Variants in STK24 observed in about 807,000 individuals in gnomAD.
STK24 encodes the protein serine/threonine kinase 24, also known as serine/threonine-protein kinase 24.
Under a neutral mutation model 55.6 loss-of-function variants are expected in STK24, and 21 were observed. That is an observed-to-expected ratio of 0.38 (90% CI 0.27 to 0.54). The LOEUF is 0.54. Ranked by LOEUF, STK24 falls within the 20% of genes least tolerant of loss-of-function variation. The probability of loss-of-function intolerance (pLI) is 0.79; values close to 1 mark genes in which losing one functional copy is unlikely to be tolerated. For synonymous variants in STK24, 200 were observed against 215.2 expected, an observed-to-expected ratio of 0.93 and a Z score of 0.62; for missense variants, 383 against 538.4, an observed-to-expected ratio of 0.71 and a Z score of 2.86.
At chr13:98,512,196 A>G (rs1326153497) in intron 2 of STK24, among the ~76,000 whole-genome samples, 2 of 152,168 alleles carry the variant, frequency 1.3e-5, no homozygotes, top group Non-Finnish European at 2.9e-5. Flanking sequence ...CCTACAGTAC[A>G]TAAATTTTTA....
chr13:98,535,531 A>C (rs1273568530), intron 1 of STK24, among the ~76,000 whole-genome samples: 3 of 152,138 alleles, frequency 2.0e-5, no homozygotes, highest in African/African-American at 7.2e-5. Context: ...CATGGAAAAC[A>C]TACCCAGTGT....
intron 1 of STK24, among the ~76,000 whole-genome samples, chr13:98,552,821 G>A (rs1221233277): frequency 1.3e-5 from 2 of 152,160 alleles, no homozygotes; most frequent in African/African-American, 4.8e-5. Flanking sequence ...AAAAGGACAC[G>A]TTTTCAGGAT....
intron 5 of STK24, among the ~76,000 whole-genome samples, chr13:98,469,057 G>A (rs113494502): frequency 0.051 from 7,761 of 152,320 alleles, 310 homozygotes; most frequent in Non-Finnish European, 0.07. Context: ...ATTTTACTCA[G>A]AGGCCCGAGG....
At chr13:98,518,354 C>T (rs1206863875) in intron 2 of STK24, among the ~76,000 whole-genome samples, 1 of 152,180 alleles carries the variant, frequency 6.6e-6, no homozygotes, top group Non-Finnish European at 1.5e-5. Flanking sequence ...AGGGTAAGGC[C>T]AGGGGAGGAA....
At chr13:98,574,985 T>C (rs896621206) in intron 1 of STK24, among the ~76,000 whole-genome samples, 3 of 152,172 alleles carry the variant, frequency 2.0e-5, no homozygotes, top group Non-Finnish European at 4.4e-5. Flanking sequence ...AAAGGCCAAT[T>C]AACCTAGTAA....
chr13:98,473,076 A>G (rs1234100337), intron 5 of STK24, among the ~76,000 whole-genome samples: 2 of 151,348 alleles, frequency 1.3e-5, no homozygotes, highest in Admixed American at 6.6e-5. Context: ...AGTGCTGTTA[A>G]TTCTTCCTGT....
chr13:98,530,511 G>T (rs148028732), intron 1 of STK24, among the ~76,000 whole-genome samples: 12 of 152,224 alleles, frequency 7.9e-5, no homozygotes, highest in South Asian at 2.1e-4. Context: ...ATTTTCTGAC[G>T]ATTATGTGAC....
intron 2 of STK24, among the ~76,000 whole-genome samples, chr13:98,494,053 A>G (rs1240977945): frequency 2.0e-5 from 3 of 149,448 alleles, no homozygotes; most frequent in African/African-American, 7.3e-5. Flanking sequence ...CGTGTTAGCC[A>G]GGATGGTCTC....
At chr13:98,493,531 A>G (rs1203488507) in intron 2 of STK24, among the ~76,000 whole-genome samples, 1 of 152,140 alleles carries the variant, frequency 6.6e-6, no homozygotes, top group Non-Finnish European at 1.5e-5. Flanking sequence ...AAGAGCAAAC[A>G]TCACAGTAAA....
At chr13:98,470,253 A>G (rs1268676373) in intron 5 of STK24, among the ~76,000 whole-genome samples, 4 of 151,934 alleles carry the variant, frequency 2.6e-5, no homozygotes, top group Non-Finnish European at 5.9e-5. Context: ...CTGGGACTAT[A>G]GGGCATATCA....
intron 2 of STK24, among the ~76,000 whole-genome samples, chr13:98,483,346 C>T (rs1894674105): frequency 6.6e-6 from 1 of 152,170 alleles, no homozygotes; most frequent in South Asian, 2.1e-4. Flanking sequence ...CAGACGTCAG[C>T]CTGCTCCGCT....
intron 1 of STK24, among the ~76,000 whole-genome samples, chr13:98,524,984 G>T (rs1470442360): frequency 2.0e-5 from 3 of 152,242 alleles, no homozygotes; most frequent in South Asian, 2.1e-4. Flanking sequence ...AATTACCCCT[G>T]GCAAGAAGGC....
chr13:98,551,797 G>T (rs941572589), intron 1 of STK24, among the ~76,000 whole-genome samples: 2 of 152,214 alleles, frequency 1.3e-5, no homozygotes, highest in African/African-American at 4.8e-5. Flanking sequence ...CAGGTATGGC[G>T]TAGGCATCTT....
chr13:98,459,465 C>A (rs1165129427), intron 9 of STK24, among the ~76,000 whole-genome samples: 1 of 152,198 alleles, frequency 6.6e-6, no homozygotes, highest in Non-Finnish European at 1.5e-5. Context: ...ACCTGCTGGG[C>A]AGGGCAACAG....
intron 1 of STK24, among the ~76,000 whole-genome samples, chr13:98,562,712 C>G (rs1487760911): frequency 6.6e-6 from 1 of 151,868 alleles, no homozygotes; most frequent in African/African-American, 2.4e-5. Context: ...TCAAGAGATC[C>G]AGACCATCCT....
At chr13:98,503,965 C>G (rs1275949736) in intron 2 of STK24, among the ~76,000 whole-genome samples, 1 of 152,172 alleles carries the variant, frequency 6.6e-6, no homozygotes, top group Non-Finnish European at 1.5e-5. Flanking sequence ...CCTCCTACAC[C>G]TGCGATGGCC....
At chr13:98,488,433 A>G (rs945770636) in intron 2 of STK24, among the ~76,000 whole-genome samples, 3 of 152,164 alleles carry the variant, frequency 2.0e-5, no homozygotes, top group Non-Finnish European at 4.4e-5. Context: ...TCTTTCTCCT[A>G]TTGTAAGGCT....
At chr13:98,462,397 G>C (rs751431889) in intron 7 of STK24, among the ~76,000 whole-genome samples, 1 of 151,950 alleles carries the variant, frequency 6.6e-6, no homozygotes, top group Non-Finnish European at 1.5e-5. Context: ...GTGTCCCTCC[G>C]AGCGCTCCCT....
intron 1 of STK24, among the ~76,000 whole-genome samples, chr13:98,575,010 C>T (rs1897844618): frequency 6.6e-6 from 1 of 152,176 alleles, no homozygotes; most frequent in Admixed American, 6.5e-5. Context: ...GGCATTTGTG[C>T]TAGATTCCAA....
Sources: allele counts gnomAD v4.1 joint callset (sites outside exome capture counted in the v4.1 genomes callset), GRCh38; gene constraint gnomAD v4.1.1; transcripts MANE v1.5; gene names NCBI Gene and HGNC (gene_info 2026-07-23, HGNC 2026-07-21).